The following TTC19 variants were observed in gnomAD, a reference collection of about 807,000 sequenced individuals.
TTC19 encodes the protein tetratricopeptide repeat protein 19, mitochondrial.
A neutral mutation model predicts 49.5 loss-of-function variants in TTC19; 38 were observed. That is an observed-to-expected ratio of 0.77 (90% CI 0.59 to 1.01). TTC19 has a LOEUF of 1.01. Ranked by LOEUF, TTC19 falls within the 50% of genes least tolerant of loss-of-function variation. The probability of loss-of-function intolerance (pLI) is 0.00; values close to 1 mark genes in which losing one functional copy is unlikely to be tolerated. For synonymous variants in TTC19, 204 were observed against 185.2 expected (o/e 1.10, Z -0.83); for missense variants, 475 against 477.7 (o/e 0.99, Z 0.05).
chr17:16,034,762 T>C (rs1422966251), intron 2 of TTC19: 1 of 1,609,188 alleles, frequency 6.2e-7, no homozygotes, highest in East Asian at 2.2e-5. Flanking sequence ...GCAGAATCCT[T>C]ACCTGTTGAA....
intron 7 of TTC19, among the ~76,000 whole-genome samples, chr17:16,011,480 A>G (rs1971067971): frequency 6.6e-6 from 1 of 152,218 alleles, no homozygotes; most frequent in Non-Finnish European, 1.5e-5. Context: ...GCCGCGTTAT[A>G]TCTTTTTCAT....
intron 2 of TTC19, chr17:16,044,364 TCA>T (rs2152118738): frequency 4.2e-6 from 2 of 470,706 alleles, no homozygotes; most frequent in East Asian, 1.4e-4. Flanking sequence ...CATTTATTAA[TCA>T]CAAGAGTGAC....
intron 2 of TTC19, among the ~76,000 whole-genome samples, chr17:16,001,488 TG>T (rs1248910466): frequency 6.6e-6 from 1 of 152,212 alleles, no homozygotes; most frequent in Non-Finnish European, 1.5e-5. Context: ...GTCACTTCCT[TG>T]GAAGGCTTCC....
rs1971736072 is a variant in TTC19 at position 16,029,126 on chromosome 17, C to A, written c.*1604C>A. On this transcript the variant is annotated 3_prime_UTR_variant, in exon 10 of 10. Transcript: ENST00000261647. ...ACCTTTTGCATTGAGAATGTTTTTA[C>A]CTTTTCACAACTGCAGGGGTTACTG... is the stretch of plus-strand genomic sequence containing the variant. The A allele has an allele frequency of 2.2e-6, 1 of 449,586 alleles. No homozygotes were observed. Among genetic ancestry groups the A allele is most frequent in the Non-Finnish European group, 4.4e-6 (1 of 225,326 alleles). The allele number at this position is 449,586 out of a possible 1,614,324, so 27.8% of individuals were successfully genotyped here.
At chr17:16,038,156 A>C (rs1177632807) in intron 2 of TTC19, among the ~76,000 whole-genome samples, 2 of 151,922 alleles carry the variant, frequency 1.3e-5, no homozygotes. Context: ...CAGGAAAATA[A>C]ATCTAAACTA....
At chr17:16,031,843 G>C (rs1165376932), downstream of TTC19, 1 of 232,962 alleles carries the variant, frequency 4.3e-6, no homozygotes, top group Non-Finnish European at 8.5e-6. Context: ...TAGAAGGCTA[G>C]GGTTAAAAAG....
chr17:16,010,167 A>ATTTTTTTTTTTTTTTTTTTTTTTT (rs1201745186), intron 7 of TTC19, among the ~76,000 whole-genome samples: 5 of 108,210 alleles, frequency 4.6e-5, no homozygotes, highest in Non-Finnish European at 7.0e-5. Context: ...TTAATTTTTA[A>ATTTTTTTTTTTTTTTTTTTTTTTT]TTTTTTTTTT....
At chr17:16,022,538 T>C (rs1439093488) in intron 7 of TTC19, among the ~76,000 whole-genome samples, 1 of 152,196 alleles carries the variant, frequency 6.6e-6, no homozygotes, top group Non-Finnish European at 1.5e-5. Context: ...CCTATATTGC[T>C]ATTGATGGTG....
chr17:16,010,697 C>T (rs1047200325), intron 7 of TTC19, among the ~76,000 whole-genome samples: 2 of 152,094 alleles, frequency 1.3e-5, no homozygotes, highest in East Asian at 1.9e-4. Flanking sequence ...TGGTCTCGAT[C>T]TCCTGACCTC....
downstream of TTC19, chr17:16,031,925 A>G: frequency 3.9e-6 from 1 of 255,060 alleles, no homozygotes; most frequent in Non-Finnish European, 7.5e-6. Flanking sequence ...AGTACACCAG[A>G]TACTACAGCA....
At chr17:16,032,133 C>G (rs533107019), downstream of TTC19, 10 of 704,112 alleles carry the variant, frequency 1.4e-5, no homozygotes, top group African/African-American at 1.9e-4. Flanking sequence ...ATTTGACTCT[C>G]CAAATGAACT....
Position 16,004,198 on chromosome 17 carries a change from CAGG to C in TTC19, c.522_524del (p.Glu174del), listed in dbSNP as rs1227902491. 6.2e-7 allele frequency: 1 copy of C among 1,614,002 alleles called. No homozygotes were observed. The highest frequency in any genetic ancestry group is 1.7e-5 in the Admixed American group (1 of 60,032). ...AGTTCCCTTCATTCTCTTTCTCTCA[CAGG>C]AGGACAATGCAATAATTGAAATTTC... is the stretch of plus-strand genomic sequence containing the variant. On this transcript the variant is annotated splice_acceptor_variant and coding_sequence_variant, in exon 6 of 10. Coordinates refer to ENST00000261647, the MANE Select transcript of TTC19 (RefSeq NM_017775.4). LOFTEE classifies it high-confidence loss of function.
chr17:16,034,528 A>G (rs548279628), intron 2 of TTC19, among the ~76,000 whole-genome samples: 1 of 152,184 alleles, frequency 6.6e-6, no homozygotes, highest in African/African-American at 2.4e-5. Flanking sequence ...GGATCACCTG[A>G]GCCTCAGAGG....
At chr17:16,005,110 A>C (rs960077798) in intron 6 of TTC19, among the ~76,000 whole-genome samples, 7 of 152,200 alleles carry the variant, frequency 4.6e-5, no homozygotes, top group African/African-American at 1.7e-4. Context: ...GAGTAAGACA[A>C]ATTCATAGTC....
intron 2 of TTC19, among the ~76,000 whole-genome samples, chr17:16,000,854 C>T (rs1970706123): frequency 6.6e-6 from 1 of 152,210 alleles, no homozygotes; most frequent in Non-Finnish European, 1.5e-5. Flanking sequence ...TTTAATGCCT[C>T]CTCAACATAC....
intron 7 of TTC19, chr17:16,024,022 AGTT>A (rs1458349300): frequency 1.3e-5 from 2 of 152,194 alleles, no homozygotes; most frequent in African/African-American, 4.8e-5. Context: ...CCTCCTGCTG[AGTT>A]GTTGGCAGAA....
Position 16,029,012 on chromosome 17 carries a change from G to A in TTC19, c.*1490G>A, listed in dbSNP as rs764589987. On this transcript the variant is annotated 3_prime_UTR_variant, in exon 10 of 10. Transcript: ENST00000261647. ...TGCCGTTTACCAAGTCTAGCTCAGA[G>A]AGATAAGATACAATATAAATCAGAC... 30 of 442,316 alleles carry A rather than the reference G, an allele frequency of 6.8e-5. 1 individual carries two copies. The highest frequency in any genetic ancestry group is 4.1e-4 in the South Asian group (25 of 61,082). The allele number at this position is 442,316 out of a possible 1,614,324, so 27.4% of individuals were successfully genotyped here. A position where few individuals can be genotyped will look rare whatever the true frequency, so the allele number is the denominator to read the frequency against.
chr17:16,016,400 C>CA (rs1971217390), intron 7 of TTC19, among the ~76,000 whole-genome samples: 1 of 152,178 alleles, frequency 6.6e-6, no homozygotes, highest in Admixed American at 6.5e-5. Context: ...TATGGCCTCA[C>CA]ATATGGCTTA....
At chr17:16,032,575 T>A (rs1302295198), downstream of TTC19, 6 of 1,260,398 alleles carry the variant, frequency 4.8e-6, no homozygotes, top group Non-Finnish European at 6.5e-6. Flanking sequence ...AATAGGATTA[T>A]TGTAAAATGG....
Sources: allele counts gnomAD v4.1 joint callset (sites outside exome capture counted in the v4.1 genomes callset), GRCh38; gene constraint gnomAD v4.1.1; transcripts MANE v1.5; gene names NCBI Gene and HGNC (gene_info 2026-07-23, HGNC 2026-07-21).